NXPH2: variants seen among roughly 807,000 people sequenced by gnomAD.
NXPH2 encodes the protein neurexophilin-2.
Under a neutral mutation model 19.8 loss-of-function variants are expected in NXPH2, and 5 were observed. The ratio of observed to expected loss-of-function variants is 0.25; its 90% CI spans 0.13 to 0.53. The LOEUF (loss-of-function observed/expected upper bound fraction) is 0.53, where lower values mean the gene tolerates loss of function less well. Among genes scored for constraint, NXPH2 ranks in the 20% least tolerant of loss-of-function variants. The pLI is 0.96. For synonymous variants in NXPH2, 154 were observed against 127.4 expected, an observed-to-expected ratio of 1.21 and a Z score of -1.41; for missense variants, 289 against 322.8, an observed-to-expected ratio of 0.90 and a Z score of 0.80.
At chr2:138,688,990 T>C (rs1482218084) in intron 1 of NXPH2, among the ~76,000 whole-genome samples, 1 of 152,260 alleles carries the variant, frequency 6.6e-6, no homozygotes, top group Non-Finnish European at 1.5e-5. Flanking sequence ...TTAATAAATA[T>C]GTTTCTGAAA....
intron 1 of NXPH2, among the ~76,000 whole-genome samples, chr2:138,679,228 T>A (rs1194178123): frequency 6.6e-6 from 1 of 152,174 alleles, no homozygotes; most frequent in Non-Finnish European, 1.5e-5. Context: ...CATGCCTTTA[T>A]CAGAACAGTC....
chr2:138,687,968 A>G (rs964654123), intron 1 of NXPH2, among the ~76,000 whole-genome samples: 2 of 152,164 alleles, frequency 1.3e-5, no homozygotes, highest in African/African-American at 4.8e-5. Context: ...GAAGTCAGGT[A>G]GTGTGATGCC....
intron 1 of NXPH2, among the ~76,000 whole-genome samples, chr2:138,687,306 A>G (rs531067105): frequency 0.012 from 1,893 of 152,288 alleles, 43 homozygotes; most frequent in African/African-American, 0.041. Flanking sequence ...ATGGCCAGTG[A>G]TGATGAGCAT....
chr2:138,691,216 G>T (rs1211069309), intron 1 of NXPH2, among the ~76,000 whole-genome samples: 1 of 152,202 alleles, frequency 6.6e-6, no homozygotes, highest in African/African-American at 2.4e-5. Flanking sequence ...TGGGTTTCCA[G>T]GTGATGATTC....
At chr2:138,689,519 T>G (rs2104974786) in intron 1 of NXPH2, among the ~76,000 whole-genome samples, 1 of 152,242 alleles carries the variant, frequency 6.6e-6, no homozygotes, top group South Asian at 2.1e-4. Flanking sequence ...GGAGCAAGCT[T>G]TTCCAGGAGT....
At chr2:138,724,173 T>C (rs1289969097) in intron 1 of NXPH2, among the ~76,000 whole-genome samples, 5 of 152,220 alleles carry the variant, frequency 3.3e-5, no homozygotes, top group African/African-American at 1.2e-4. Context: ...TTCCCACTTA[T>C]AAGTGAAAGC....
At chr2:138,743,515 G>A (rs1409639128) in intron 1 of NXPH2, among the ~76,000 whole-genome samples, 1 of 152,216 alleles carries the variant, frequency 6.6e-6, no homozygotes, top group East Asian at 1.9e-4. Flanking sequence ...GCCTAAGACT[G>A]GAGAGAGAGC....
chr2:138,767,348 C>CA (rs1682107117), intron 1 of NXPH2, among the ~76,000 whole-genome samples: 1 of 152,252 alleles, frequency 6.6e-6, no homozygotes, highest in Non-Finnish European at 1.5e-5. Context: ...TGTGCCTCAT[C>CA]ATCCCTTTGC....
rs534529203 is a variant in NXPH2, at chr2:138,727,833, C to A, written c.51+52358G>T. The stretch of plus-strand genomic sequence containing the variant: ...AATAAATATGAGCCCACTTTATTAA[C>A]TCTTATTTTCCTGAGTGTGTGTACC... On this transcript the variant is annotated intron_variant, in intron 1 of 1. Transcript: ENST00000272641. Among the ~76,000 whole-genome samples, 3 of 152,236 alleles carry A rather than the reference C, an allele frequency of 2.0e-5. No homozygotes were observed. The South Asian group carries it at 6.2e-4, about 32-fold the overall frequency.
chr2:138,679,463 C>T (rs1386060325), intron 1 of NXPH2, among the ~76,000 whole-genome samples: 1 of 149,756 alleles, frequency 6.7e-6, no homozygotes, highest in African/African-American at 2.5e-5. Flanking sequence ...TGCAGTGGCG[C>T]GATCTCGGCT....
At chr2:138,727,614 A>G (rs1158442742) in intron 1 of NXPH2, among the ~76,000 whole-genome samples, 1 of 138,818 alleles carries the variant, frequency 7.2e-6, no homozygotes, top group Non-Finnish European at 1.5e-5. Context: ...GTTGGATTTT[A>G]TAAATTCTTT....
At chr2:138,743,294 C>T (rs989609228) in intron 1 of NXPH2, among the ~76,000 whole-genome samples, 5 of 152,060 alleles carry the variant, frequency 3.3e-5, no homozygotes, top group Non-Finnish European at 2.9e-5. Flanking sequence ...CATTAACTGG[C>T]GAATGGATAA....
chr2:138,722,199 AAACT>A (rs1440415079), intron 1 of NXPH2, among the ~76,000 whole-genome samples: 3 of 152,258 alleles, frequency 2.0e-5, no homozygotes, highest in African/African-American at 4.8e-5. Flanking sequence ...AAGAGGATAG[AAACT>A]AACTGAGAAC....
intron 1 of NXPH2, among the ~76,000 whole-genome samples, chr2:138,686,294 T>C (rs1680650313): frequency 6.6e-6 from 1 of 152,154 alleles, no homozygotes; most frequent in South Asian, 2.1e-4. Context: ...TCTTCCCGTA[T>C]CTGTCTCAGA....
chr2:138,735,412 A>G (rs560893719), intron 1 of NXPH2, among the ~76,000 whole-genome samples: 5 of 152,290 alleles, frequency 3.3e-5, no homozygotes, highest in African/African-American at 1.2e-4. Context: ...GCAGCAGGCA[A>G]AAAGACAGTG....
chr2:138,708,381 C>CA (rs1462691662), intron 1 of NXPH2, among the ~76,000 whole-genome samples: 1 of 152,144 alleles, frequency 6.6e-6, no homozygotes, highest in Admixed American at 6.5e-5. Context: ...TTTTGTACAT[C>CA]AGGATTTTAA....
chr2:138,738,383 G>A (rs910788557), intron 1 of NXPH2, among the ~76,000 whole-genome samples: 2 of 152,056 alleles, frequency 1.3e-5, no homozygotes, highest in African/African-American at 4.8e-5. Context: ...TCCCCAAATG[G>A]AAATCACTAT....
intron 1 of NXPH2, among the ~76,000 whole-genome samples, chr2:138,721,421 GTC>G (rs1396304755): frequency 6.6e-6 from 1 of 151,916 alleles, no homozygotes; most frequent in Admixed American, 6.6e-5. Context: ...ATTGGAAAGA[GTC>G]TATATGCTAG....
chr2:138,677,276 G>A (rs1198906800), intron 1 of NXPH2, among the ~76,000 whole-genome samples: 1 of 152,150 alleles, frequency 6.6e-6, no homozygotes, highest in Non-Finnish European at 1.5e-5. Flanking sequence ...TTAACCTCAA[G>A]CATAAAATGG....
Sources: allele counts gnomAD v4.1 joint callset (sites outside exome capture counted in the v4.1 genomes callset), GRCh38; gene constraint gnomAD v4.1.1; transcripts MANE v1.5; gene names NCBI Gene and HGNC (gene_info 2026-07-23, HGNC 2026-07-21).